PTPRD: variants seen among roughly 807,000 people sequenced by gnomAD.
The protein encoded by PTPRD is receptor-type tyrosine-protein phosphatase delta.
Under a neutral mutation model 214.5 loss-of-function variants are expected in PTPRD, and 34 were observed. The observed-to-expected ratio is 0.16, with a 90% CI of 0.12 to 0.21. The LOEUF is 0.21. PTPRD is among the 10% of genes least tolerant of loss of function. PTPRD has a pLI of 1.00. For missense variants in PTPRD, 2,545 were observed against 2,398.7 expected (o/e 1.06, Z -1.27); for synonymous variants, 1,128 against 845.7 (o/e 1.33, Z -5.79).
intron 37 of PTPRD, among the ~76,000 whole-genome samples, chr9:8,379,758 AACTAGAAGGCAGGAGCT>A (rs1464412961): frequency 1.3e-5 from 2 of 152,168 alleles, no homozygotes; most frequent in East Asian, 3.9e-4. Flanking sequence ...AGTACATAAG[AACTAGAAGGCAGGAGCT>A]ACTGAATACG....
intron 11 of PTPRD, among the ~76,000 whole-genome samples, chr9:8,838,649 T>C (rs898651586): frequency 6.6e-6 from 1 of 152,102 alleles, no homozygotes; most frequent in African/African-American, 2.4e-5. Flanking sequence ...TATATAACTC[T>C]TGGTTGTGAA....
In PTPRD at chr9:10,352,711, A is replaced by G. The variant is rs1029526248; in HGVS notation, c.-599-11694T>C. Among the ~76,000 whole-genome samples the G allele has an allele frequency of 5.9e-5, 9 of 152,198 alleles. No individual in the cohort carries two copies. In the East Asian group the frequency reaches 1.4e-3, roughly 23 times the overall value. On this transcript the variant is annotated intron_variant, in intron 2 of 45. Transcript: ENST00000381196. ...CTATCTATTACTATTTGATTATTCA[A>G]TGATGAAGTGGTTATATTTCTATTG...
intron 7 of PTPRD, among the ~76,000 whole-genome samples, chr9:9,655,204 G>C (rs781056766): frequency 2.0e-5 from 3 of 152,066 alleles, no homozygotes; most frequent in Non-Finnish European, 4.4e-5. Context: ...ACAAGATATA[G>C]CTGATAAAAA....
chr9:9,444,861 G>A lies in PTPRD; in HGVS notation c.-236-47379C>T, dbSNP rs927580771. 4.5e-3 allele frequency among the ~76,000 whole-genome samples: 681 copies of A among 152,228 alleles called. 4 individuals carry two copies. The highest frequency in any genetic ancestry group is 0.015 in the African/African-American group (620 of 41,542). On this transcript the variant is annotated intron_variant, in intron 8 of 45. Transcript: ENST00000381196. ...ACAACTATTAGATTTATCATTTAAA[G>A]AATACATGCCTACTTGCAAGTTAAA...
At chr9:8,354,444 C>A (rs1389606794) in intron 39 of PTPRD, among the ~76,000 whole-genome samples, 2 of 152,146 alleles carry the variant, frequency 1.3e-5, no homozygotes, top group African/African-American at 2.4e-5. Flanking sequence ...AATGTTTCTA[C>A]TTTTCAATTA....
chr9:9,904,770 T>C (rs1251157436), intron 5 of PTPRD, among the ~76,000 whole-genome samples: 1 of 152,048 alleles, frequency 6.6e-6, no homozygotes, highest in Non-Finnish European at 1.5e-5. Flanking sequence ...CACATGCAAA[T>C]TTATTTGGAA....
chr9:9,032,447 C>A (rs1316411699), intron 10 of PTPRD, among the ~76,000 whole-genome samples: 1 of 151,834 alleles, frequency 6.6e-6, no homozygotes, highest in African/African-American at 2.4e-5. Context: ...TTTTAATAAG[C>A]TGAAATGGAT....
chr9:10,412,800 T>C (rs1252951241), intron 2 of PTPRD, among the ~76,000 whole-genome samples: 2 of 151,852 alleles, frequency 1.3e-5, no homozygotes, highest in Non-Finnish European at 2.9e-5. Context: ...GCAAGGTTGC[T>C]TCAACGTACA....
At chr9:8,468,050 TC>T (rs914758895) in intron 31 of PTPRD, among the ~76,000 whole-genome samples, 2 of 152,012 alleles carry the variant, frequency 1.3e-5, no homozygotes, top group African/African-American at 4.8e-5. Flanking sequence ...TCGCAATTCA[TC>T]CATATCATTG....
intron 8 of PTPRD, among the ~76,000 whole-genome samples, chr9:9,423,652 A>G (rs2142740764): frequency 6.6e-6 from 1 of 152,334 alleles, no homozygotes; most frequent in South Asian, 2.1e-4. Context: ...GGATGGCAAC[A>G]GAGATAACTG....
chr9:8,464,141 G>C (rs1229348815), intron 32 of PTPRD, among the ~76,000 whole-genome samples: 1 of 151,846 alleles, frequency 6.6e-6, no homozygotes. Flanking sequence ...ACAGTGTGTA[G>C]TTCAGTGGTT....
At chr9:9,883,136 CG>C (rs2069401577) in intron 5 of PTPRD, among the ~76,000 whole-genome samples, 48 of 152,178 alleles carry the variant, frequency 3.2e-4, no homozygotes, top group African/African-American at 1.1e-3. Flanking sequence ...TTTACAGCAA[CG>C]CAAAATGAAC....
chr9:9,449,366 A>G (rs1353233261), intron 8 of PTPRD, among the ~76,000 whole-genome samples: 1 of 151,870 alleles, frequency 6.6e-6, no homozygotes, highest in East Asian at 1.9e-4. Flanking sequence ...TCCATCTTGT[A>G]CATTCCTCCA....
intron 11 of PTPRD, among the ~76,000 whole-genome samples, chr9:8,969,215 A>T (rs548800874): frequency 1.3e-5 from 2 of 152,188 alleles, no homozygotes; most frequent in South Asian, 4.1e-4. Flanking sequence ...GAAAATTAAA[A>T]AGCCGAATCG....
intron 2 of PTPRD, among the ~76,000 whole-genome samples, chr9:10,610,911 T>C (rs2080812950): frequency 6.6e-6 from 1 of 152,166 alleles, no homozygotes; most frequent in Non-Finnish European, 1.5e-5. Flanking sequence ...CTTAGCTTAC[T>C]CTTATAATTT....
In PTPRD at chr9:9,269,478, T is replaced by C. The variant is rs1391560276; in HGVS notation, c.-202-86115A>G. On this transcript the variant is annotated intron_variant, in intron 9 of 45. Transcript: ENST00000381196. ...AAAAAAAATAAAAATAAGACTACCA[T>C]ATGATCCAGCAATCCCACTTCTGGG... is the stretch of plus-strand genomic sequence containing the variant. Among the ~76,000 whole-genome samples, 4 of 151,448 alleles carry C rather than the reference T, an allele frequency of 2.6e-5. No homozygotes were observed. In the South Asian group the frequency reaches 8.3e-4, roughly 31 times the overall value.
At chr9:9,022,329 A>G (rs2154370578) in intron 10 of PTPRD, among the ~76,000 whole-genome samples, 1 of 152,198 alleles carries the variant, frequency 6.6e-6, no homozygotes. Flanking sequence ...TCGTTGATTC[A>G]CCTAGAGCAA....
intron 12 of PTPRD, among the ~76,000 whole-genome samples, chr9:8,707,078 A>G (rs1367389784): frequency 6.6e-6 from 1 of 152,228 alleles, no homozygotes. Context: ...AAGATAATGA[A>G]CAACAGCAAG....
intron 32 of PTPRD, among the ~76,000 whole-genome samples, chr9:8,461,316 T>C (rs757903688): frequency 8.5e-5 from 13 of 152,100 alleles, no homozygotes; most frequent in Non-Finnish European, 1.9e-4. Flanking sequence ...TGCTCAGAGA[T>C]TGGTATGTTT....
Sources: allele counts gnomAD v4.1 joint callset (sites outside exome capture counted in the v4.1 genomes callset), GRCh38; gene constraint gnomAD v4.1.1; transcripts MANE v1.5; gene names NCBI Gene and HGNC (gene_info 2026-07-23, HGNC 2026-07-21).